Variants in RAI1 observed in about 807,000 individuals in gnomAD.
The protein encoded by RAI1 is retinoic acid-induced protein 1.
RAI1 carries 9 observed loss-of-function variants against 123.8 expected under a neutral mutation model. The ratio of observed to expected loss-of-function variants is 0.07; its 90% confidence interval spans 0.04 to 0.13. RAI1 has a LOEUF of 0.13. Among genes scored for constraint, RAI1 ranks in the 10% least tolerant of loss-of-function variants. The probability of loss-of-function intolerance (pLI) is 1.00; values close to 1 mark genes in which losing one functional copy is unlikely to be tolerated. For synonymous variants in RAI1, 1,231 were observed against 1,127.3 expected, an observed-to-expected ratio of 1.09 and a Z score of -1.84; for missense variants, 2,256 against 2,545.8, an observed-to-expected ratio of 0.89 and a Z score of 2.45.
intron 1 of RAI1, among the ~76,000 whole-genome samples, chr17:17,704,875 G>C (rs577800217): frequency 6.6e-6 from 1 of 151,094 alleles, no homozygotes; most frequent in South Asian, 2.1e-4. Flanking sequence ...GGGGGGGCCG[G>C]GGGAGGGTCA....
At chr17:17,762,337 C>G (rs2030738974) in intron 2 of RAI1, among the ~76,000 whole-genome samples, 1 of 151,938 alleles carries the variant, frequency 6.6e-6, no homozygotes, top group South Asian at 2.1e-4. Flanking sequence ...GCCTGGGGGT[C>G]AGGGGCATGG....
At chr17:17,737,135 A>G (rs1009593063) in intron 2 of RAI1, among the ~76,000 whole-genome samples, 1 of 152,188 alleles carries the variant, frequency 6.6e-6, no homozygotes, top group African/African-American at 2.4e-5. Context: ...AAAATGAAGC[A>G]TTTCTGGGGA....
rs12450495 is a variant in RAI1, at chr17:17,770,510, G to A, written c.-16-22423G>A. Among the ~76,000 whole-genome samples the A allele has an allele frequency of 1.3e-3, 200 of 152,242 alleles. 2 individuals carry two copies. Among genetic ancestry groups the A allele is most frequent in the East Asian group, 0.013 (66 of 5,156 alleles). On this transcript the variant is annotated intron_variant, in intron 2 of 5. Coordinates refer to ENST00000353383, the MANE Select transcript of RAI1 (RefSeq NM_030665.4). ...TGCCTCTTCCATGATTGGGCTCCCC[G>A]GCCAATTCCTTTCTCACGCCCCGGC...
chr17:17,731,185 C>T (rs1567856419), intron 2 of RAI1, among the ~76,000 whole-genome samples: 3 of 152,230 alleles, frequency 2.0e-5, no homozygotes, highest in Non-Finnish European at 4.4e-5. Flanking sequence ...CCTGACCCTG[C>T]ACTTGGGGTG....
chr17:17,804,266 A>C (rs1401516033), intron 4 of RAI1, among the ~76,000 whole-genome samples: 2 of 152,182 alleles, frequency 1.3e-5, no homozygotes, highest in African/African-American at 4.8e-5. Context: ...GCAAAAACCA[A>C]CTGAGTTGGG....
Position 17,733,725 on chromosome 17 carries a change from T to A in RAI1, c.-17+9566T>A, listed in dbSNP as rs527796978. 6.6e-5 allele frequency among the ~76,000 whole-genome samples: 10 copies of A among 152,356 alleles called. No homozygotes were observed. In the South Asian group the frequency reaches 1.9e-3, roughly 28 times the overall value. On this transcript the variant is annotated intron_variant, in intron 2 of 5. Coordinates refer to ENST00000353383, the MANE Select transcript of RAI1 (RefSeq NM_030665.4). ...GGGCTTCTTTCTCTGGCACATTTTT[T>A]AAATGCTCCTTTAGTTAATATGCAG...
At chr17:17,699,695 G>C (rs1395052964) in intron 1 of RAI1, among the ~76,000 whole-genome samples, 7 of 151,884 alleles carry the variant, frequency 4.6e-5, no homozygotes, top group Admixed American at 4.6e-4. Context: ...CCAATTTCCA[G>C]TTTACATTTC....
rs909575721 is a variant in RAI1 at position 17,810,433 on chromosome 17, G to A, written c.*452G>A. On this transcript the variant is annotated 3_prime_UTR_variant, in exon 6 of 6. Coordinates refer to ENST00000353383, the MANE Select transcript of RAI1 (RefSeq NM_030665.4). The surrounding 1 kb of genome is among the most constrained non-coding windows in gnomAD (Gnocchi z 4.6). Reference sequence around the variant, plus strand: ...GCGTGCAGCTGGGAGCCCTGGGCTTGGGGGTGGGGGTCGAAACAGTACTGG... The same window carrying A: ...GCGTGCAGCTGGGAGCCCTGGGCTTAGGGGTGGGGGTCGAAACAGTACTGG... 1.8e-5 allele frequency: 4 copies of A among 228,170 alleles called. No homozygotes were observed. The Admixed American group carries it at 2.2e-4, about 13-fold the overall frequency. The allele number at this position is 228,170 out of a possible 1,614,324, so 14.1% of individuals were successfully genotyped here.
chr17:17,776,198 C>A (rs2031336684), intron 2 of RAI1, among the ~76,000 whole-genome samples: 1 of 152,234 alleles, frequency 6.6e-6, no homozygotes, highest in Non-Finnish European at 1.5e-5. Flanking sequence ...GTCAACCCAC[C>A]AGCCTAGAGT....
chr17:17,798,521 G>GCCAGCC lies in RAI1; in HGVS notation c.5565+10_5565+15dup. ...AAGGTGGCCGTGGACATGGTAAGAG[G>GCCAGCC]CCAGCCCAGCCAGGGTGGGGAGTGT... On this transcript the variant is annotated intron_variant, in intron 3 of 5. Transcript: ENST00000353383. 6.3e-7 allele frequency: 1 copy of GCCAGCC among 1,598,772 alleles called. No homozygotes were observed. The highest frequency in any genetic ancestry group is 8.5e-7 in the Non-Finnish European group (1 of 1,179,728).
At chr17:17,803,052 C>T (rs957576905) in intron 3 of RAI1, among the ~76,000 whole-genome samples, 1 of 149,950 alleles carries the variant, frequency 6.7e-6, no homozygotes, top group Non-Finnish European at 1.5e-5. Context: ...CCATTGCACT[C>T]CAGCCCCGGG....
At position 17,783,184 on chromosome 17, in the gene RAI1, CGACCGGGGACCGGGG is replaced by C. The variant is rs1395593214; in HGVS notation, c.-16-9740_-16-9726del. ...CCTTCCTCTCTCCTGGCGCCTGCAG[CGACCGGGGACCGGGG>C]GACCGGGGCACCGAGGACCGGGCCC... On this transcript the variant is annotated intron_variant, in intron 2 of 5. Coordinates refer to ENST00000353383, the MANE Select transcript of RAI1 (RefSeq NM_030665.4). Among the ~76,000 whole-genome samples the C allele has an allele frequency of 3.9e-5, 6 of 152,198 alleles. No individual in the cohort carries two copies. The East Asian group carries it at 9.7e-4, about 25-fold the overall frequency.
chr17:17,775,148 A>G (rs1447783733), intron 2 of RAI1, among the ~76,000 whole-genome samples: 3 of 152,104 alleles, frequency 2.0e-5, no homozygotes, highest in Non-Finnish European at 4.4e-5. Flanking sequence ...TGACCCTTGA[A>G]CAATGTGGGG....
intron 1 of RAI1, among the ~76,000 whole-genome samples, chr17:17,682,198 C>T (rs1221531491): frequency 1.3e-5 from 2 of 151,736 alleles, no homozygotes; most frequent in Non-Finnish European, 2.9e-5. Context: ...CGGAGGTGAG[C>T]TTTGTGAGTG....
chr17:17,793,455 C>T lies in RAI1; in HGVS notation c.507C>T (p.His169=), dbSNP rs2032099807. 1.9e-6 allele frequency: 3 copies of T among 1,613,272 alleles called. No homozygotes were observed. Among genetic ancestry groups the T allele is most frequent in the East Asian group, 2.2e-5 (1 of 44,890 alleles). ...EQGAQVPFRT[H]SLHVQQPPPP... Reference sequence around the variant, plus strand: ...GCGCCCAGGTGCCCTTTCGGACTCACTCCCTGCACGTCCAGCAGCCACCGC... The same window carrying T: ...GCGCCCAGGTGCCCTTTCGGACTCATTCCCTGCACGTCCAGCAGCCACCGC... Residue 169 remains histidine (H), a synonymous_variant, in exon 3 of 6, where the codon CAC becomes CAT. Coordinates refer to ENST00000353383, the MANE Select transcript of RAI1 (RefSeq NM_030665.4).
intron 1 of RAI1, among the ~76,000 whole-genome samples, chr17:17,694,271 C>T (rs1337314808): frequency 6.6e-6 from 1 of 152,142 alleles, no homozygotes; most frequent in Non-Finnish European, 1.5e-5. Flanking sequence ...TGGGCAGAGG[C>T]TGGCATCAGG....
intron 4 of RAI1, among the ~76,000 whole-genome samples, chr17:17,806,114 G>A (rs557431265): frequency 2.0e-4 from 30 of 152,346 alleles, no homozygotes; most frequent in African/African-American, 7.0e-4. Flanking sequence ...CCACAGTTAG[G>A]GAGACCAGAC....
chr17:17,728,163 G>GTGCA (rs1167967765), intron 2 of RAI1, among the ~76,000 whole-genome samples: 3 of 151,984 alleles, frequency 2.0e-5, no homozygotes, highest in African/African-American at 7.3e-5. Context: ...GTGTGTGCGC[G>GTGCA]TGCATGCATG....
intron 1 of RAI1, among the ~76,000 whole-genome samples, chr17:17,702,153 A>T (rs1457509998): frequency 6.6e-6 from 1 of 152,232 alleles, no homozygotes; most frequent in Non-Finnish European, 1.5e-5. Flanking sequence ...AGGGCAGAAC[A>T]CTGGCTGACA....
Sources: gnomAD v4.1 joint callset for allele counts (sites outside exome capture counted in the v4.1 genomes callset) on GRCh38, gnomAD v4.1.1 for gene constraint, Gnocchi (gnomAD v3.1) non-coding constraint, MANE v1.5 for transcripts, NCBI Gene and HGNC (gene_info 2026-07-23, HGNC 2026-07-21) for gene names.